The following PRKAR1B variants were observed in gnomAD, a reference collection of about 807,000 sequenced individuals.
PRKAR1B encodes the protein protein kinase cAMP-dependent type I regulatory subunit beta, also known as cAMP-dependent protein kinase type I-beta regulatory subunit.
Under a neutral mutation model 46.5 loss-of-function variants are expected in PRKAR1B, and 22 were observed. The observed-to-expected ratio is 0.47, with a 90% CI of 0.34 to 0.68. The LOEUF (loss-of-function observed/expected upper bound fraction) is 0.68. PRKAR1B is among the 30% of genes least tolerant of loss of function. The probability of loss-of-function intolerance (pLI) is 0.01; values close to 1 mark genes in which losing one functional copy is unlikely to be tolerated. For missense variants in PRKAR1B, 445 were observed against 535.6 expected, an observed-to-expected ratio of 0.83 and a Z score of 1.67; for synonymous variants, 259 against 217.7, an observed-to-expected ratio of 1.19 and a Z score of -1.67.
intron 1 of PRKAR1B, 127 bp from the exon 2 acceptor site, chr7:711,654 CAAAG>C: frequency 1.1e-6 from 1 of 872,992 alleles, no homozygotes; most frequent in Non-Finnish European, 1.7e-6. Flanking sequence ...CTGCATTTGT[CAAAG>C]ATCTTTCATT....
At chr7:726,822 G>A in intron 1 of PRKAR1B, 1 of 1,324,746 alleles carries the variant, frequency 7.5e-7, no homozygotes, top group South Asian at 2.0e-5. Flanking sequence ...TGAGCCGCCT[G>A]CTGCCGGGGC....
intron 4 of PRKAR1B, among the ~76,000 whole-genome samples, chr7:653,728 C>A (rs1785032455): frequency 6.6e-6 from 1 of 152,212 alleles, no homozygotes; most frequent in South Asian, 2.1e-4. Flanking sequence ...TCAACTCCAA[C>A]ATCCATTGCA....
At chr7:571,603 G>A (rs1041284997) in intron 9 of PRKAR1B, among the ~76,000 whole-genome samples, 7 of 152,210 alleles carry the variant, frequency 4.6e-5, no homozygotes, top group Admixed American at 2.6e-4. Flanking sequence ...GGCCGCTGCC[G>A]CCCCGTATAG....
chr7:552,442 GGTCCTTCCCGCA>G lies in PRKAR1B; in HGVS notation c.892-984_892-973del, dbSNP rs1562512619. On this transcript the variant is annotated intron_variant, in intron 9 of 10. Coordinates refer to ENST00000537384, the MANE Select transcript of PRKAR1B (RefSeq NM_001164760.2). ...CACCCAAACCCCCACCTCCCACCCA[GGTCCTTCCCGCA>G]GAGCCACTGCCATCACCACGTCACC... Among the ~76,000 whole-genome samples the G allele has an allele frequency of 1.3e-4, 11 of 84,806 alleles. 1 individual carries two copies. The East Asian group carries it at 3.7e-3, about 29-fold the overall frequency. The allele number at this position is 84,806 out of a possible 152,430, so 55.6% of individuals were successfully genotyped here.
intron 9 of PRKAR1B, among the ~76,000 whole-genome samples, chr7:576,654 A>T (rs1055124826): frequency 6.6e-6 from 1 of 151,360 alleles, no homozygotes; most frequent in African/African-American, 2.4e-5. Flanking sequence ...TGCTTCTTCC[A>T]GGTCAGCAGA....
At chr7:706,422 A>ATTCTTTTTTTTTTT (rs1780326291) in intron 2 of PRKAR1B, among the ~76,000 whole-genome samples, 1 of 102,298 alleles carries the variant, frequency 9.8e-6, no homozygotes, top group Admixed American at 1.2e-4. Context: ...CAAATAAGGA[A>ATTCTTTTTTTTTTT]TTTTTTTTTT....
At chr7:642,758 C>G (rs146006386) in intron 4 of PRKAR1B, among the ~76,000 whole-genome samples, 5,174 of 145,964 alleles carry the variant, frequency 0.035, 215 homozygotes, top group African/African-American at 0.061. Flanking sequence ...AAGAAAGAAA[C>G]AAACTCTGCC....
At chr7:636,339 GCCGCGCCC>G in intron 4 of PRKAR1B, among the ~76,000 whole-genome samples, 3 of 12,844 alleles carry the variant, frequency 2.3e-4, no homozygotes, top group African/African-American at 4.2e-4. Context: ...TCCTCCACCG[GCCGCGCCC>G]ACACGTCCTC....
chr7:679,910 G>A (rs1480923135), intron 3 of PRKAR1B, among the ~76,000 whole-genome samples: 3 of 152,166 alleles, frequency 2.0e-5, no homozygotes, highest in African/African-American at 7.2e-5. Flanking sequence ...CGTAACCCCA[G>A]CACTTTGGGA....
At chr7:567,778 G>A (rs931935053) in intron 9 of PRKAR1B, among the ~76,000 whole-genome samples, 21 of 152,318 alleles carry the variant, frequency 1.4e-4, no homozygotes, top group Admixed American at 1.2e-3. Flanking sequence ...TAGTCACAGA[G>A]GGACAAATCC....
chr7:632,897 T>G (rs1192995293), intron 4 of PRKAR1B, among the ~76,000 whole-genome samples: 1 of 152,218 alleles, frequency 6.6e-6, no homozygotes, highest in Admixed American at 6.5e-5. Flanking sequence ...TCAGCCCTCC[T>G]GAGCCTGGGG....
At chr7:726,579 CAA>C in intron 1 of PRKAR1B, 2 of 617,532 alleles carry the variant, frequency 3.2e-6, no homozygotes, top group Non-Finnish European at 4.7e-6. Context: ...GCGAGCACGA[CAA>C]GAGCACAGGC....
chr7:669,865 A>ATCTTTTTTTTTTT, intron 4 of PRKAR1B, among the ~76,000 whole-genome samples: 1 of 137,400 alleles, frequency 7.3e-6, no homozygotes, highest in Non-Finnish European at 1.6e-5. Context: ...TCCACGTGCC[A>ATCTTTTTTTTTTT]TATTTTTTTT....
chr7:550,194 G>A lies in PRKAR1B; in HGVS notation c.*236C>T, dbSNP rs1784093354. 4 of 534,386 alleles carry A rather than the reference G, an allele frequency of 7.5e-6. No individual in the cohort carries two copies. The highest frequency in any genetic ancestry group is 1.3e-5 in the Non-Finnish European group (4 of 297,470). 33.1% of individuals were successfully genotyped at this position (534,386 alleles called of 1,614,324 possible). ...CGGGGAGGCGTGTGGGGAGGAAGCT[G>A]GCCTGTCCCTTCCTTGATCTTGGGA... On this transcript the variant is annotated 3_prime_UTR_variant, in exon 11 of 11. Transcript: ENST00000537384.
intron 6 of PRKAR1B, among the ~76,000 whole-genome samples, chr7:599,866 C>T (rs1276334238): frequency 6.9e-6 from 1 of 145,364 alleles, no homozygotes; most frequent in Non-Finnish European, 1.5e-5. Flanking sequence ...CTGGGGGAGG[C>T]ACACGGGCAG....
chr7:661,117 G>C (rs190716667), intron 4 of PRKAR1B, among the ~76,000 whole-genome samples: 3,323 of 3,534 alleles, frequency 0.94, 1,653 homozygotes, highest in East Asian at 0.96. Context: ...CCCCCCATGG[G>C]ACAGGTCCCC....
intron 2 of PRKAR1B, among the ~76,000 whole-genome samples, chr7:691,042 C>A (rs376893654): frequency 1.2e-4 from 18 of 151,152 alleles, no homozygotes; most frequent in African/African-American, 4.1e-4. Flanking sequence ...GCAAATCCTA[C>A]CCACAGGGTC....
intron 4 of PRKAR1B, among the ~76,000 whole-genome samples, chr7:641,904 A>C (rs1784409895): frequency 6.6e-6 from 1 of 151,616 alleles, no homozygotes; most frequent in African/African-American, 2.4e-5. Context: ...GTATGTATTT[A>C]CTTTTGTCAC....
chr7:575,541 T>G lies in PRKAR1B; in HGVS notation c.891+3715A>C, dbSNP rs1001579210. Among the ~76,000 whole-genome samples, 6 of 152,252 alleles carry G rather than the reference T, an allele frequency of 3.9e-5. No individual in the cohort carries two copies. The East Asian group carries it at 5.8e-4, about 15-fold the overall frequency. ...AAGAATTTGAAGCCATCTTTTTTTG[T>G]TTTTGGTTTTGGTTTTGGTTTTGAG... On this transcript the variant is annotated intron_variant, in intron 9 of 10. Transcript: ENST00000537384.
Sources: gnomAD v4.1 joint callset for allele counts (sites outside exome capture counted in the v4.1 genomes callset) on GRCh38, gnomAD v4.1.1 for gene constraint, MANE v1.5 for transcripts, NCBI Gene and HGNC (gene_info 2026-07-23, HGNC 2026-07-21) for gene names.